The following ZNF521 variants were observed in gnomAD, a reference collection of about 807,000 sequenced individuals.
The protein encoded by ZNF521 is LYST-interacting protein 3.
ZNF521 carries 14 observed loss-of-function variants against 105.5 expected under a neutral mutation model. The observed-to-expected ratio is 0.13, with a 90% confidence interval of 0.09 to 0.21. The LOEUF (loss-of-function observed/expected upper bound fraction) is 0.21. Ranked by LOEUF, ZNF521 falls within the 10% of genes least tolerant of loss-of-function variation. The pLI, the probability that ZNF521 is intolerant of heterozygous loss-of-function variation, is 1.00. For synonymous variants in ZNF521, 635 were observed against 606.0 expected (o/e 1.05, Z -0.70); for missense variants, 1,233 against 1,629.7 (o/e 0.76, Z 4.19).
At chr18:25,316,500 G>A (rs1600297654) in intron 3 of ZNF521, among the ~76,000 whole-genome samples, 1 of 151,954 alleles carries the variant, frequency 6.6e-6, no homozygotes, top group Non-Finnish European at 1.5e-5. Context: ...CACTGGAACT[G>A]TCAGACCTCC....
At chr18:25,324,597 T>C (rs1913108683) in intron 2 of ZNF521, among the ~76,000 whole-genome samples, 1 of 152,184 alleles carries the variant, frequency 6.6e-6, no homozygotes. Context: ...CATGAGTTTC[T>C]AGTTTCTCAA....
intron 3 of ZNF521, among the ~76,000 whole-genome samples, chr18:25,258,038 T>C (rs1451848842): frequency 6.6e-6 from 1 of 152,176 alleles, no homozygotes; most frequent in African/African-American, 2.4e-5. Context: ...TTTGGAGGTA[T>C]ACATGTAGTA....
intron 5 of ZNF521, among the ~76,000 whole-genome samples, chr18:25,128,500 A>T (rs2034578441): frequency 6.6e-6 from 1 of 151,986 alleles, no homozygotes; most frequent in East Asian, 1.9e-4. Context: ...AGACTGGAAA[A>T]AAAGAAATTA....
At chr18:25,302,962 T>C (rs1911725693) in intron 3 of ZNF521, 1 of 152,226 alleles carries the variant, frequency 6.6e-6, no homozygotes. Flanking sequence ...ATATACTAAT[T>C]GTGTGAGACA....
At position 25,224,591 on chromosome 18, in the gene ZNF521, G is replaced by A; in HGVS notation, c.3327C>T (p.Val1109=). ...AGCCTGGTCTATTCGTGCCGGGAGG[G>A]ACGTTAATGCCTGGGCTGGCGCTCT... is the stretch of plus-strand genomic sequence containing the variant. ...LSKSASPGIN[V]PPGTNRPGLG... The change falls in exon 4 of 8, where the codon GTC becomes GTT. Residue 1109 remains valine, a synonymous_variant. Transcript: ENST00000361524. 1.2e-6 allele frequency: 2 copies of A among 1,614,136 alleles called. No individual in the cohort carries two copies. The highest frequency in any genetic ancestry group is 2.7e-5 in the African/African-American group (2 of 75,048).
At chr18:25,151,615 G>A (rs890987159) in intron 5 of ZNF521, among the ~76,000 whole-genome samples, 3 of 151,914 alleles carry the variant, frequency 2.0e-5, no homozygotes, top group South Asian at 2.1e-4. Context: ...GACTTTTATC[G>A]TTTCTTTCAA....
chr18:25,333,210 G>A (rs529750590), intron 2 of ZNF521, among the ~76,000 whole-genome samples: 47 of 151,410 alleles, frequency 3.1e-4, no homozygotes, highest in African/African-American at 9.7e-4. Flanking sequence ...TCACACATAG[G>A]AGGAAATGGC....
chr18:25,271,062 C>T (rs1205364128), intron 3 of ZNF521, among the ~76,000 whole-genome samples: 1 of 152,192 alleles, frequency 6.6e-6, no homozygotes, highest in Non-Finnish European at 1.5e-5. Context: ...AGCTGATAAG[C>T]AACTTCAGCA....
intron 3 of ZNF521, among the ~76,000 whole-genome samples, chr18:25,254,112 T>C (rs539864142): frequency 6.6e-6 from 1 of 152,124 alleles, no homozygotes; most frequent in African/African-American, 2.4e-5. Flanking sequence ...AGTCCTAAAA[T>C]AGTAATGAAG....
At chr18:25,139,450 A>T in intron 5 of ZNF521, among the ~76,000 whole-genome samples, 1 of 151,460 alleles carries the variant, frequency 6.6e-6, no homozygotes. Context: ...AAGACCATAC[A>T]GGAAAAGTCA....
At chr18:25,159,465 A>G (rs894576045) in intron 5 of ZNF521, among the ~76,000 whole-genome samples, 2 of 152,166 alleles carry the variant, frequency 1.3e-5, no homozygotes, top group South Asian at 2.1e-4. Context: ...GGGAACATGT[A>G]AAAAACAGGA....
intron 5 of ZNF521, among the ~76,000 whole-genome samples, chr18:25,147,820 T>G (rs1260049871): frequency 6.6e-6 from 1 of 152,174 alleles, no homozygotes; most frequent in African/African-American, 2.4e-5. Flanking sequence ...CAGAAAGAAT[T>G]TTTCTATCAA....
At chr18:25,216,246 C>T (rs1031347185) in intron 4 of ZNF521, among the ~76,000 whole-genome samples, 19 of 152,212 alleles carry the variant, frequency 1.2e-4, no homozygotes, top group African/African-American at 4.3e-4. Context: ...ATCTTCCATA[C>T]AAAAACCATA....
intron 3 of ZNF521, among the ~76,000 whole-genome samples, chr18:25,299,004 G>A (rs1911478704): frequency 6.6e-6 from 1 of 152,172 alleles, no homozygotes; most frequent in Non-Finnish European, 1.5e-5. Context: ...CCTGGGCGCA[G>A]TAGCAGCAAA....
At chr18:25,237,290 G>A (rs1293166554) in intron 3 of ZNF521, among the ~76,000 whole-genome samples, 5 of 152,102 alleles carry the variant, frequency 3.3e-5, no homozygotes, top group Admixed American at 3.3e-4. Flanking sequence ...CATTACAAAA[G>A]TGCTAATCGT....
rs763513424 is a variant in ZNF521, at chr18:25,224,514, C to T, written c.3404G>A (p.Gly1135Glu). Residue 1135 changes from glycine to glutamate, a missense_variant, in exon 4 of 8, where the codon GGA (glycine) becomes GAA (glutamate). By Grantham distance (98) the Gly-to-Glu change is moderately conservative. This residue lies in a region of ZNF521 where 614 missense variants were observed against 751.5 expected (regional missense o/e 0.82). Coordinates refer to ENST00000361524, the MANE Select transcript of ZNF521 (RefSeq NM_015461.3). ...SAIEGKGKVG[G>E]LKTRCSSCNV... Reference sequence around the variant, plus strand: ...GCAGCTAGAGCAGCGTGTCTTCAGTCCCCCCACCTTGCCTTTCCCCTCAAT... The same window carrying T: ...GCAGCTAGAGCAGCGTGTCTTCAGTTCCCCCACCTTGCCTTTCCCCTCAAT... 20 of 1,613,782 alleles carry T rather than the reference C, an allele frequency of 1.2e-5. 1 individual carries two copies. The highest frequency in any genetic ancestry group is 1.2e-4 in the Admixed American group (7 of 59,986).
chr18:25,218,770 C>T (rs994238520), intron 4 of ZNF521, among the ~76,000 whole-genome samples: 22 of 151,608 alleles, frequency 1.5e-4, no homozygotes, highest in African/African-American at 5.1e-4. Context: ...ATCGCTTGAA[C>T]CTGAGAGGCA....
chr18:25,318,270 ATGAAT>A (rs751286445), intron 3 of ZNF521, among the ~76,000 whole-genome samples: 3 of 152,178 alleles, frequency 2.0e-5, no homozygotes, highest in Non-Finnish European at 4.4e-5. Context: ...AATAGGTAAA[ATGAAT>A]CTATGGTTAA....
At position 25,180,827 on chromosome 18, in the gene ZNF521, C is replaced by T. The variant is rs138820402; in HGVS notation, c.3658+14333G>A. Among the ~76,000 whole-genome samples, 6 of 152,110 alleles carry T rather than the reference C, an allele frequency of 3.9e-5. No homozygotes were observed. In the East Asian group the frequency reaches 9.6e-4, roughly 24 times the overall value. On this transcript the variant is annotated intron_variant, in intron 5 of 7. Coordinates refer to ENST00000361524, the MANE Select transcript of ZNF521 (RefSeq NM_015461.3). ...GCTCTGCTGCATAAAATAAAAGGTT[C>T]TGCCTCATTCAAAACAACAACAACA... is the stretch of plus-strand genomic sequence containing the variant.
Sources: allele counts gnomAD v4.1 joint callset (sites outside exome capture counted in the v4.1 genomes callset), GRCh38; gene constraint gnomAD v4.1.1; regional missense constraint gnomAD v4.1.1; transcripts MANE v1.5; gene names NCBI Gene and HGNC (gene_info 2026-07-23, HGNC 2026-07-21).